Variants in TNKS observed in about 807,000 individuals in gnomAD.
TNKS encodes poly [ADP-ribose] polymerase tankyrase-1.
In TNKS, 72 loss-of-function variants were observed where a neutral mutation model predicts 135.8. That is an observed-to-expected ratio of 0.53 (90% CI 0.44 to 0.64). TNKS has a LOEUF of 0.64. TNKS is among the 30% of genes least tolerant of loss of function. The pLI is 0.00. For synonymous variants in TNKS, 849 were observed against 649.3 expected (o/e 1.31, Z -4.68); for missense variants, 1,769 against 1,674.0 (o/e 1.06, Z -0.99).
intron 24 of TNKS, among the ~76,000 whole-genome samples, 181 bp downstream of exon 24, chr8:9,765,978 C>G (rs894789279): frequency 2.6e-5 from 4 of 152,190 alleles, no homozygotes; most frequent in African/African-American, 9.7e-5. Context: ...TCAGTACAGA[C>G]TTTCCAGTGC....
At chr8:9,673,860 G>C (rs952279894) in intron 3 of TNKS, among the ~76,000 whole-genome samples, 6 of 152,054 alleles carry the variant, frequency 3.9e-5, no homozygotes, top group Non-Finnish European at 5.9e-5. Context: ...CCATACTTTG[G>C]TGAGCTTTTT....
chr8:9,617,400 A>G (rs532381047), intron 3 of TNKS, among the ~76,000 whole-genome samples: 6 of 152,230 alleles, frequency 3.9e-5, no homozygotes, highest in Non-Finnish European at 7.3e-5. Context: ...GAATATCTCT[A>G]GAGTCATTTA....
At chr8:9,639,835 T>C (rs1417259383) in intron 3 of TNKS, among the ~76,000 whole-genome samples, 3 of 152,208 alleles carry the variant, frequency 2.0e-5, no homozygotes, top group African/African-American at 7.2e-5. Flanking sequence ...TTAGACTCTT[T>C]CATTCACTTT....
chr8:9,653,280 G>C (rs573187618), intron 3 of TNKS, among the ~76,000 whole-genome samples: 1 of 152,248 alleles, frequency 6.6e-6, no homozygotes, highest in East Asian at 1.9e-4. Context: ...TTTGACTTCA[G>C]GGTCTGCTGG....
intron 3 of TNKS, among the ~76,000 whole-genome samples, chr8:9,639,851 A>G (rs973798909): frequency 2.0e-5 from 3 of 152,190 alleles, no homozygotes; most frequent in Admixed American, 2.0e-4. Context: ...ACTTTCCTTT[A>G]AAACACATAT....
At chr8:9,680,492 TAAAAC>T (rs1227085659) in intron 4 of TNKS, among the ~76,000 whole-genome samples, 2 of 152,098 alleles carry the variant, frequency 1.3e-5, no homozygotes, top group Non-Finnish European at 2.9e-5. Context: ...TGTAGATAAA[TAAAAC>T]AAAAATGTAG....
At chr8:9,613,422 G>A (rs748813045) in intron 2 of TNKS, among the ~76,000 whole-genome samples, 16 of 152,188 alleles carry the variant, frequency 1.1e-4, no homozygotes, top group Non-Finnish European at 2.1e-4. Context: ...GATAAGTTTA[G>A]ACCCCTGCTG....
At position 9,556,518 on chromosome 8, in the gene TNKS, G is replaced by A. The variant is rs371825172; in HGVS notation, c.579G>A (p.Gly193=). Residue 193 remains glycine (G), a synonymous_variant, in exon 1 of 27, where the codon GGG becomes GGA. Transcript: ENST00000310430. ...AACTGCTGGAGGCCTGTCGCAATGG[G>A]GACGTGTCCCGGGTAAAGAGGCTGG... ...LRELLEACRN[G]DVSRVKRLVD... The A allele has an allele frequency of 3.2e-5, 51 of 1,614,054 alleles. No homozygotes were observed. Among genetic ancestry groups the A allele is most frequent in the Non-Finnish European group, 4.1e-5 (48 of 1,180,050 alleles).
At chr8:9,757,395 T>A (rs1012112417) in intron 20 of TNKS, among the ~76,000 whole-genome samples, 4 of 152,242 alleles carry the variant, frequency 2.6e-5, no homozygotes, top group Admixed American at 2.6e-4. Context: ...TGTAACCATT[T>A]TGAACTACAG....
chr8:9,763,494 A>C (rs1008056873), intron 22 of TNKS, among the ~76,000 whole-genome samples: 22 of 152,192 alleles, frequency 1.4e-4, no homozygotes, highest in African/African-American at 5.3e-4. Context: ...CTTGAATCTC[A>C]TGCAAAATAA....
chr8:9,734,814 A>C, intron 15 of TNKS, 51 bp from the exon 16 acceptor site: 2 of 1,481,152 alleles, frequency 1.4e-6, no homozygotes, highest in Non-Finnish European at 1.8e-6. Flanking sequence ...CTACCTACCT[A>C]CCTACTTACT....
At chr8:9,682,893 A>G (rs1802842867) in intron 5 of TNKS, among the ~76,000 whole-genome samples, 1 of 151,958 alleles carries the variant, frequency 6.6e-6, no homozygotes, top group African/African-American at 2.4e-5. Flanking sequence ...CATTTTTAAG[A>G]ACGTACCTCA....
At chr8:9,565,336 C>T (rs1412218672) in intron 1 of TNKS, among the ~76,000 whole-genome samples, 2 of 152,042 alleles carry the variant, frequency 1.3e-5, no homozygotes, top group African/African-American at 4.8e-5. Flanking sequence ...AATTTTTTCT[C>T]TATCCCTTTT....
At chr8:9,601,080 G>A (rs1243474266) in intron 2 of TNKS, among the ~76,000 whole-genome samples, 1 of 152,098 alleles carries the variant, frequency 6.6e-6, no homozygotes. Flanking sequence ...GATCATTTTT[G>A]TCTGAGGATC....
At position 9,710,218 on chromosome 8, in the gene TNKS, A is replaced by G; in HGVS notation, c.1747A>G (p.Lys583Glu). The G allele has an allele frequency of 6.2e-7, 1 of 1,614,180 alleles. No individual in the cohort carries two copies. The highest frequency in any genetic ancestry group is 1.1e-5 in the South Asian group (1 of 91,078). Reference sequence around the variant, plus strand: ...GGAAGTTCTGCATAAGCATGGCGCCAAGGTGAGGCACACACCTGAGCAGAG... The same window carrying G: ...GGAAGTTCTGCATAAGCATGGCGCCGAGGTGAGGCACACACCTGAGCAGAG... The part of the protein sequence containing the change: ...VMEVLHKHGA[K>E]MNALDTLGQT... Residue 583 changes from lysine to glutamate, a missense_variant and splice_region_variant, in exon 11 of 27, where the codon AAG (lysine) becomes GAG (glutamate). Around this residue, in one of 5 missense-constraint regions of TNKS, gnomAD observed 523 missense variants for 541.0 expected, o/e 0.97. Coordinates refer to ENST00000310430, the MANE Select transcript of TNKS (RefSeq NM_003747.3).
chr8:9,776,561 T>C lies in TNKS; in HGVS notation c.3898-89T>C, dbSNP rs576779987. The C allele has an allele frequency of 1.1e-5, 13 of 1,236,970 alleles. No individual in the cohort carries two copies. The African/African-American group carries it at 1.3e-4, about 13-fold the overall frequency. The allele number at this position is 1,236,970 out of a possible 1,614,324, so 76.6% of individuals were successfully genotyped here. A position where few individuals can be genotyped will look rare whatever the true frequency, so the allele number is the denominator to read the frequency against. ...AGTCTATATAGAATATTGGTCACGATTAACAGCCTTTGAGGCTTCCACATT... is the reference window on the plus strand; with the variant it reads ...AGTCTATATAGAATATTGGTCACGACTAACAGCCTTTGAGGCTTCCACATT... On this transcript the variant is annotated intron_variant, in intron 26 of 26. Coordinates refer to ENST00000310430, the MANE Select transcript of TNKS (RefSeq NM_003747.3).
At chr8:9,666,687 C>T (rs1585302358) in intron 3 of TNKS, among the ~76,000 whole-genome samples, 2 of 151,424 alleles carry the variant, frequency 1.3e-5, no homozygotes, top group Admixed American at 6.6e-5. Flanking sequence ...TTGCATTGCG[C>T]TCCAGCCTGG....
intron 2 of TNKS, among the ~76,000 whole-genome samples, chr8:9,601,281 A>C (rs541951189): frequency 1.3e-5 from 2 of 152,160 alleles, no homozygotes; most frequent in African/African-American, 4.8e-5. Flanking sequence ...ATCTATTTAC[A>C]TATTTTTAAA....
intron 1 of TNKS, among the ~76,000 whole-genome samples, chr8:9,572,337 A>G (rs1356183030): frequency 6.6e-6 from 1 of 152,232 alleles, no homozygotes; most frequent in African/African-American, 2.4e-5. Context: ...TTTCTGAAAG[A>G]CTATGGCCTT....
Sources: allele counts gnomAD v4.1 joint callset (sites outside exome capture counted in the v4.1 genomes callset), GRCh38; gene constraint gnomAD v4.1.1; regional missense constraint gnomAD v4.1.1; transcripts MANE v1.5; gene names NCBI Gene and HGNC (gene_info 2026-07-23, HGNC 2026-07-21).